ERI3: variants seen among roughly 807,000 people sequenced by gnomAD.
ERI3 encodes ERI1 exoribonuclease family member 3.
ERI3 carries 18 observed loss-of-function variants against 44.4 expected under a neutral mutation model. That is an observed-to-expected ratio of 0.41 (90% confidence interval 0.28 to 0.60). ERI3 has a LOEUF of 0.60. ERI3 is among the 20% of genes least tolerant of loss of function. ERI3 has a pLI of 0.36. For synonymous variants in ERI3, 183 were observed against 164.8 expected (o/e 1.11, Z -0.84); for missense variants, 294 against 435.5 (o/e 0.68, Z 2.89).
At chr1:44,344,237 A>C (rs201506401) in intron 2 of ERI3, among the ~76,000 whole-genome samples, 1 of 51,910 alleles carries the variant, frequency 1.9e-5, no homozygotes, top group South Asian at 1.3e-3. Flanking sequence ...CCATCTCAAT[A>C]AATAAATAAA....
intron 8 of ERI3, among the ~76,000 whole-genome samples, chr1:44,231,345 T>C (rs1644178874): frequency 6.6e-6 from 1 of 152,144 alleles, no homozygotes; most frequent in South Asian, 2.1e-4. Flanking sequence ...TCCATATATA[T>C]TGTCTCTCCT....
intron 8 of ERI3, among the ~76,000 whole-genome samples, chr1:44,222,832 C>T (rs1444819435): frequency 6.6e-6 from 1 of 152,164 alleles, no homozygotes; most frequent in East Asian, 1.9e-4. Flanking sequence ...AAATATTGTA[C>T]ATCAATGTCA....
chr1:44,223,008 C>G (rs1189020498), intron 8 of ERI3, among the ~76,000 whole-genome samples: 1 of 152,232 alleles, frequency 6.6e-6, no homozygotes, highest in East Asian at 1.9e-4. Flanking sequence ...GTATCACTAG[C>G]CAGATCCTAG....
chr1:44,297,715 C>T (rs1645639550), intron 6 of ERI3, among the ~76,000 whole-genome samples: 1 of 152,188 alleles, frequency 6.6e-6, no homozygotes. Flanking sequence ...TTTGCTTTAG[C>T]ACAAAGTAAT....
intron 7 of ERI3, among the ~76,000 whole-genome samples, chr1:44,248,684 T>A (rs1164055507): frequency 1.4e-5 from 2 of 144,730 alleles, no homozygotes; most frequent in African/African-American, 5.3e-5. Flanking sequence ...TGTGTGTGTA[T>A]GTATGTGTGT....
chr1:44,281,604 AT>A (rs1645287526), intron 7 of ERI3, among the ~76,000 whole-genome samples: 1 of 125,694 alleles, frequency 8.0e-6, no homozygotes, highest in Non-Finnish European at 1.7e-5. Context: ...AAAAAAAAAT[AT>A]ATATATATAT....
At chr1:44,337,329 T>C (rs1288924967) in intron 3 of ERI3, among the ~76,000 whole-genome samples, 1 of 152,234 alleles carries the variant, frequency 6.6e-6, no homozygotes, top group Non-Finnish European at 1.5e-5. Context: ...CACTAGGGCT[T>C]ACCCAGTGAC....
intron 2 of ERI3, among the ~76,000 whole-genome samples, chr1:44,352,138 G>A (rs1013567653): frequency 2.6e-5 from 4 of 152,176 alleles, no homozygotes; most frequent in Admixed American, 6.5e-5. Context: ...AAACAAGCTC[G>A]AGTCCCTGGA....
At chr1:44,287,121 A>T (rs1355678116) in intron 6 of ERI3, among the ~76,000 whole-genome samples, 1 of 152,226 alleles carries the variant, frequency 6.6e-6, no homozygotes, top group Non-Finnish European at 1.5e-5. Flanking sequence ...ATTAGTGTCA[A>T]CTGCCATAGA....
chr1:44,308,653 T>C (rs1572240908), intron 5 of ERI3, among the ~76,000 whole-genome samples: 1 of 152,278 alleles, frequency 6.6e-6, no homozygotes, highest in East Asian at 1.9e-4. Context: ...GCCTATTGCC[T>C]GGCAGCCTGC....
chr1:44,322,729 C>T, intron 3 of ERI3: 1 of 1,548,330 alleles, frequency 6.5e-7, no homozygotes, highest in African/African-American at 1.4e-5. Flanking sequence ...TCTTACCATC[C>T]CATATTGCCC....
chr1:44,222,025 G>A (rs1643912162), intron 8 of ERI3, among the ~76,000 whole-genome samples: 2 of 152,224 alleles, frequency 1.3e-5, no homozygotes, highest in South Asian at 4.1e-4. Flanking sequence ...CGGCCCGTCC[G>A]CCACACTCCG....
At chr1:44,239,747 T>C (rs909497578) in intron 8 of ERI3, among the ~76,000 whole-genome samples, 4 of 152,116 alleles carry the variant, frequency 2.6e-5, no homozygotes, top group Non-Finnish European at 4.4e-5. Context: ...AGTGTAAGCG[T>C]TTCCATCCTT....
intron 7 of ERI3, among the ~76,000 whole-genome samples, chr1:44,268,003 G>T (rs1325511598): frequency 2.6e-5 from 4 of 152,222 alleles, no homozygotes; most frequent in Non-Finnish European, 5.9e-5. Context: ...GCACAGGCAG[G>T]AGGCACAGGA....
chr1:44,267,106 C>T (rs1572150386), intron 7 of ERI3, among the ~76,000 whole-genome samples: 1 of 152,178 alleles, frequency 6.6e-6, no homozygotes. Context: ...GTCATCCAAG[C>T]TGGTAAAGAA....
intron 6 of ERI3, among the ~76,000 whole-genome samples, chr1:44,305,071 A>C (rs1025522722): frequency 2.0e-5 from 3 of 152,062 alleles, no homozygotes; most frequent in African/African-American, 7.2e-5. Context: ...GCCTCTTCCC[A>C]GACTGCACTA....
At chr1:44,343,761 G>C (rs1646730367) in intron 2 of ERI3, among the ~76,000 whole-genome samples, 1 of 152,144 alleles carries the variant, frequency 6.6e-6, no homozygotes. Context: ...TCCTGATTTT[G>C]ATGGTTGTAT....
chr1:44,256,323 A>T (rs1013595686), intron 7 of ERI3, among the ~76,000 whole-genome samples: 27 of 152,154 alleles, frequency 1.8e-4, no homozygotes, highest in African/African-American at 6.0e-4. Context: ...GCCTGTTTTA[A>T]GGAAGAGGGA....
intron 8 of ERI3, among the ~76,000 whole-genome samples, chr1:44,232,557 TGCCATTCTCG>T (rs1644210694): frequency 6.6e-6 from 1 of 152,228 alleles, no homozygotes; most frequent in Non-Finnish European, 1.5e-5. Flanking sequence ...CTTTCTGCCC[TGCCATTCTCG>T]GCATGTGGTT....
Sources: gnomAD v4.1 joint callset for allele counts (sites outside exome capture counted in the v4.1 genomes callset) on GRCh38, gnomAD v4.1.1 for gene constraint, MANE v1.5 for transcripts, NCBI Gene and HGNC (gene_info 2026-07-23, HGNC 2026-07-21) for gene names.